MMRN2: variants seen among roughly 807,000 people sequenced by gnomAD.
MMRN2 encodes the protein multimerin 2, also known as multimerin-2.
MMRN2 carries 53 observed loss-of-function variants against 68.8 expected under a neutral mutation model. That is an observed-to-expected ratio of 0.77 (90% CI 0.62 to 0.97). The LOEUF is 0.97. MMRN2 is among the 50% of genes least tolerant of loss of function. MMRN2 has a pLI of 0.00. For missense variants in MMRN2, 1,266 were observed against 1,259.5 expected (o/e 1.01, Z -0.08); for synonymous variants, 564 against 551.6 (o/e 1.02, Z -0.32).
At chr10:86,955,786 T>C (rs1201981183) in intron 1 of MMRN2, among the ~76,000 whole-genome samples, 1 of 152,172 alleles carries the variant, frequency 6.6e-6, no homozygotes, top group Non-Finnish European at 1.5e-5. Flanking sequence ...CTGCAGCTTC[T>C]GGATGTGGGA....
At position 86,940,017 on chromosome 10, in the gene MMRN2, A is replaced by ATTT. The variant is rs34638842; in HGVS notation, c.2467+2297_2467+2299dup. ...AGGTGCCTGCCACCACACCGGGCTA[A>ATTT]TTTTTTTTTTTTTTTTGACAGTTTC... On this transcript the variant is annotated intron_variant, in intron 6 of 6. Transcript: ENST00000372027. Among the ~76,000 whole-genome samples the ATTT allele has an allele frequency of 4.9e-3, 677 of 138,220 alleles. 6 individuals carry two copies. Among genetic ancestry groups the ATTT allele is most frequent in the African/African-American group, 0.016 (601 of 36,784 alleles). 90.7% of individuals were successfully genotyped at this position (138,220 alleles called of 152,430 possible).
chr10:86,952,767 C>T (rs1844162356), intron 1 of MMRN2, among the ~76,000 whole-genome samples: 1 of 152,148 alleles, frequency 6.6e-6, no homozygotes, highest in African/African-American at 2.4e-5. Flanking sequence ...TAACAGAAAA[C>T]AGGGTTTGAG....
rs1843985401 is a variant in MMRN2, at chr10:86,942,393, C to T, written c.2391G>A (p.Lys797=). The change falls in exon 6 of 7, where the codon AAG becomes AAA. Residue 797 remains lysine (K), a synonymous_variant. Coordinates refer to ENST00000372027, the MANE Select transcript of MMRN2 (RefSeq NM_024756.3). ...GTATGTCCACCAAAGGCTCCGCTTCCTTCTTGTCCCTCTTCCGGGGAGCTT... is the reference window on the plus strand; with the variant it reads ...GTATGTCCACCAAAGGCTCCGCTTCTTTCTTGTCCCTCTTCCGGGGAGCTT... ...DLEAPRKRDK[K]EAEPLVDIRV... 1 of 1,614,210 alleles carries T rather than the reference C, an allele frequency of 6.2e-7. No homozygotes were observed. Among genetic ancestry groups the T allele is most frequent in the Non-Finnish European group, 8.5e-7 (1 of 1,180,026 alleles).
Position 86,943,205 on chromosome 10 carries a change from G to C in MMRN2, c.1579C>G (p.Gln527Glu), listed in dbSNP as rs1844004515. 7 of 1,609,624 alleles carry C rather than the reference G, an allele frequency of 4.3e-6. No homozygotes were observed. Among genetic ancestry groups the C allele is most frequent in the Non-Finnish European group, 5.9e-6 (7 of 1,177,678 alleles). Residue 527 changes from glutamine (Q) to glutamate (E), a missense_variant, in exon 6 of 7, where the codon CAG (glutamine) becomes GAG (glutamate). Coordinates refer to ENST00000372027, the MANE Select transcript of MMRN2 (RefSeq NM_024756.3). The surrounding 1 kb of genome is among the most constrained non-coding windows in gnomAD (Gnocchi z 4.2). ...GCCTGCAGGGAGGAGCCGTCCAGCT[G>C]CCGCCGCTCGTCCAGGCTCACCTGG... is the stretch of plus-strand genomic sequence containing the variant. ...ETQVSLDERR[Q>E]LDGSSLQALQ...
At chr10:86,947,048 G>A (rs1844079430) in intron 1 of MMRN2, among the ~76,000 whole-genome samples, 1 of 152,132 alleles carries the variant, frequency 6.6e-6, no homozygotes. Flanking sequence ...TGAGGGCATG[G>A]GAAATCATGG....
intron 1 of MMRN2, among the ~76,000 whole-genome samples, chr10:86,953,578 T>C (rs1844173057): frequency 6.6e-6 from 1 of 152,194 alleles, no homozygotes; most frequent in Non-Finnish European, 1.5e-5. Context: ...CCCAGGTGCA[T>C]TGTCACGACT....
chr10:86,943,116 C>T lies in MMRN2; in HGVS notation c.1668G>A (p.Arg556=). The T allele has an allele frequency of 6.6e-7, 1 of 1,514,532 alleles. No homozygotes were observed. Among genetic ancestry groups the T allele is most frequent in the South Asian group, 1.2e-5 (1 of 80,130 alleles). 93.8% of individuals were successfully genotyped at this position (1,514,532 alleles called of 1,614,324 possible). The change falls in exon 6 of 7, where the codon CGG becomes CGA. Residue 556 remains arginine, a synonymous_variant. Transcript: ENST00000372027. This position sits in a 1 kb window ranked among gnomAD's most constrained non-coding sequence, Gnocchi z 4.2. Reference sequence around the variant, plus strand: ...GGAGCCGCGACGTGGCCGCCCGCGCCCGCTCGCCCTCCGCTTTGTGCGCGT... The same window carrying T: ...GGAGCCGCGACGTGGCCGCCCGCGCTCGCTCGCCCTCCGCTTTGTGCGCGT... ...AVDAHKAEGE[R]ARAATSRLRS...
In MMRN2 at chr10:86,945,586, G is replaced by C; in HGVS notation, c.268C>G (p.Pro90Ala). 1.9e-6 allele frequency: 3 copies of C among 1,606,606 alleles called. No homozygotes were observed. Among genetic ancestry groups the C allele is most frequent in the Non-Finnish European group, 2.5e-6 (3 of 1,176,536 alleles). The change falls in exon 2 of 7, where the codon CCA becomes GCA. Residue 90 changes from proline to alanine, a missense_variant. By Grantham distance (27) the Pro-to-Ala change is conservative. Coordinates refer to ENST00000372027, the MANE Select transcript of MMRN2 (RefSeq NM_024756.3). ...ATGACTTTGACTTTCTGGCAGTCTG[G>C]AGCTCCCTGCGGACACGGCTGCTGC... ...HSQQPCPQGA[P>A]DCQKVKVMYR...
rs748182011 is a variant in MMRN2, at chr10:86,957,390, T to A, written c.152A>T (p.Asp51Val). 1 of 1,613,204 alleles carries A rather than the reference T, an allele frequency of 6.2e-7. No homozygotes were observed. Among genetic ancestry groups the A allele is most frequent in the South Asian group, 1.1e-5 (1 of 91,040 alleles). Residue 51 changes from aspartate to valine, a missense_variant, in exon 1 of 7, where the codon GAC becomes GTC. Transcript: ENST00000372027. Reference sequence around the variant, plus strand: ...CAGGCCCTCTTACCGTCCTACGGGGTCCTTGCCGGTGTCCTCAGCCTCTGC... The same window carrying A: ...CAGGCCCTCTTACCGTCCTACGGGGACCTTGCCGGTGTCCTCAGCCTCTGC... ...WKAEAEDTGKDPVGRNWCPYP... is the reference protein window; with the variant it reads ...WKAEAEDTGKVPVGRNWCPYP...
In MMRN2 at chr10:86,943,098, C is replaced by T. The variant is rs1283974838; in HGVS notation, c.1686G>A (p.Ser562=). 1.4e-6 allele frequency: 2 copies of T among 1,460,932 alleles called. No homozygotes were observed. The highest frequency in any genetic ancestry group is 5.4e-5 in the East Asian group (2 of 37,348). The allele number at this position is 1,460,932 out of a possible 1,614,324, so 90.5% of individuals were successfully genotyped here. A position where few individuals can be genotyped will look rare whatever the true frequency, so the allele number is the denominator to read the frequency against. The change falls in exon 6 of 7, where the codon TCG becomes TCA. Residue 562 remains serine (S), a synonymous_variant. Transcript: ENST00000372027. The surrounding 1 kb of genome is among the most constrained non-coding windows in gnomAD (Gnocchi z 4.2). ...AEGERARAAT[S]RLRSQVQALD... is the part of the protein sequence containing the mutation. The stretch of plus-strand genomic sequence containing the variant: ...GCGCCTGCACTTGGCTCCGGAGCCG[C>T]GACGTGGCCGCCCGCGCCCGCTCGC...
chr10:86,936,955 G>A lies in MMRN2; in HGVS notation c.2638C>T (p.Pro880Ser). 6.2e-7 allele frequency: 1 copy of A among 1,614,196 alleles called. No homozygotes were observed. Among genetic ancestry groups the A allele is most frequent in the Non-Finnish European group, 8.5e-7 (1 of 1,180,040 alleles). ...ACCAGCTGCCCGGTGCCTGGCCCTG[G>A]GCCAAATTCAACGCTCACTGCAAAC... ...YLFAVSVEFG[P>S]GPGTGQLVFG... Residue 880 changes from proline (P) to serine (S), a missense_variant, in exon 7 of 7, where the codon CCA (proline) becomes TCA (serine). Transcript: ENST00000372027.
Position 86,944,435 on chromosome 10 carries a change from C to T in MMRN2, c.482G>A (p.Gly161Asp), listed in dbSNP as rs1220746642. 2 of 1,613,414 alleles carry T rather than the reference C, an allele frequency of 1.2e-6. No individual in the cohort carries two copies. The highest frequency in any genetic ancestry group is 2.2e-5 in the East Asian group (1 of 44,884). Residue 161 changes from glycine (G) to aspartate (D), a missense_variant and splice_region_variant, in exon 5 of 7, where the codon GGC becomes GAC. Physicochemically the swap from Gly to Asp is moderately conservative, Grantham distance 94 (BLOSUM62 -1). Coordinates refer to ENST00000372027, the MANE Select transcript of MMRN2 (RefSeq NM_024756.3). ...PQDGPVSFKP[G>D]HLAAVINEVE... ...CTCATTGATCACTGCAGCAAGGTGG[C>T]CTAAATACACAGCAGACATAAATGT...
At chr10:86,947,704 C>T (rs1844088423) in intron 1 of MMRN2, among the ~76,000 whole-genome samples, 3 of 152,036 alleles carry the variant, frequency 2.0e-5, no homozygotes, top group Admixed American at 2.0e-4. Context: ...AGTCCCCAGC[C>T]TGCTTTACCC....
At position 86,945,411 on chromosome 10, in the gene MMRN2, C is replaced by A; in HGVS notation, c.359G>T (p.Arg120Met). 6.3e-7 allele frequency: 1 copy of A among 1,581,600 alleles called. No homozygotes were observed. Among genetic ancestry groups the A allele is most frequent in the East Asian group, 2.3e-5 (1 of 43,736 alleles). The change falls in exon 3 of 7, where the codon AGG (arginine) becomes ATG (methionine). Residue 120 changes from arginine to methionine, a missense_variant. By Grantham distance (91) the Arg-to-Met change is moderately conservative. Coordinates refer to ENST00000372027, the MANE Select transcript of MMRN2 (RefSeq NM_024756.3). ...KQKVLTSLAW[R>M]CCPGYTGPNC... ...GGGGCCCGTGTAGCCAGGGCAGCAC[C>A]TCCAGGCCAAAGAGGTCAGCACCTT...
rs200975554 is a variant in MMRN2 at position 86,952,856 on chromosome 10, A to AC, written c.164+4521dup. 2.4e-4 allele frequency among the ~76,000 whole-genome samples: 36 copies of AC among 152,178 alleles called. No homozygotes were observed. The East Asian group carries it at 5.8e-3, about 24-fold the overall frequency. On this transcript the variant is annotated intron_variant, in intron 1 of 6. Transcript: ENST00000372027. ...GGTAAGCCTGAGGGTACTGCAGGAG[A>AC]CCAGGGCATATCTCAGTCCTTATCA...
rs1237478356 is a variant in MMRN2, at chr10:86,943,144, A to G, written c.1640T>C (p.Val547Ala). The part of the protein sequence containing the change: ...QNAVDAVSLA[V>A]DAHKAEGERA... ...CTCGCCCTCCGCTTTGTGCGCGTCCACGGCCAGCGACACGGCGTCCACGGC... is the reference window on the plus strand; with the variant it reads ...CTCGCCCTCCGCTTTGTGCGCGTCCGCGGCCAGCGACACGGCGTCCACGGC... The change falls in exon 6 of 7, where the codon GTG (valine) becomes GCG (alanine). Residue 547 changes from valine to alanine, a missense_variant. Physicochemically the swap from Val to Ala is moderately conservative, Grantham distance 64. Coordinates refer to ENST00000372027, the MANE Select transcript of MMRN2 (RefSeq NM_024756.3). This position sits in a 1 kb window ranked among gnomAD's most constrained non-coding sequence, Gnocchi z 4.2. The G allele has an allele frequency of 1.3e-6, 2 of 1,592,154 alleles. No individual in the cohort carries two copies. The highest frequency in any genetic ancestry group is 1.7e-6 in the Non-Finnish European group (2 of 1,171,778).
rs1844052170 is a variant in MMRN2 at position 86,945,452 on chromosome 10, C to T, written c.318G>A (p.Val106=). The T allele has an allele frequency of 1.9e-6, 3 of 1,561,770 alleles. No homozygotes were observed. The highest frequency in any genetic ancestry group is 2.4e-5 in the East Asian group (1 of 42,356). Residue 106 remains valine (V), a synonymous_variant, in exon 3 of 7, where the codon GTG becomes GTA. Transcript: ENST00000372027. Reference sequence around the variant, plus strand: ...TCAGCACCTTCTGCTTGACCTGGTACACTGGCTTGTGGGCCATGCGGTACC... The same window carrying T: ...TCAGCACCTTCTGCTTGACCTGGTATACTGGCTTGTGGGCCATGCGGTACC... ...KVMYRMAHKP[V]YQVKQKVLTS...
At position 86,937,016 on chromosome 10, in the gene MMRN2, A is replaced by G. The variant is rs1843889526; in HGVS notation, c.2577T>C (p.His859=). The G allele has an allele frequency of 1.2e-6, 2 of 1,614,220 alleles. No homozygotes were observed. The highest frequency in any genetic ancestry group is 1.7e-6 in the Non-Finnish European group (2 of 1,180,036). The change falls in exon 7 of 7, where the codon CAT becomes CAC. Residue 859 remains histidine, a synonymous_variant. Transcript: ENST00000372027. ...CACGCTCAGGGGCTCGGAAGTAGCC[A>G]TGTTCAGGGAAGTAGCTGCTGCCAA... ...INIGSSYFPE[H]GYFRAPERGV...
rs529357653 is a variant in MMRN2, at chr10:86,940,171, C to T, written c.2467+2146G>A. ...GGGATTAGGCGCCCGCCACCACACC[C>T]GGCTAATTTTGTATTTTTAGTAGAG... On this transcript the variant is annotated intron_variant, in intron 6 of 6. Transcript: ENST00000372027. 1.4e-4 allele frequency among the ~76,000 whole-genome samples: 21 copies of T among 152,028 alleles called. No individual in the cohort carries two copies. The South Asian group carries it at 4.4e-3, about 32-fold the overall frequency.
Sources: allele counts gnomAD v4.1 joint callset (sites outside exome capture counted in the v4.1 genomes callset), GRCh38; gene constraint gnomAD v4.1.1; non-coding constraint Gnocchi (gnomAD v3.1); transcripts MANE v1.5; gene names NCBI Gene and HGNC (gene_info 2026-07-23, HGNC 2026-07-21).